CENPA: variants seen among roughly 807,000 people sequenced by gnomAD.
CENPA encodes the protein histone H3-like centromeric protein A.
CENPA carries 7 observed loss-of-function variants against 17.2 expected under a neutral mutation model. The ratio of observed to expected loss-of-function variants is 0.41; its 90% CI spans 0.23 to 0.76. The LOEUF (loss-of-function observed/expected upper bound fraction) is 0.76, where lower values mean the gene tolerates loss of function less well. Among genes scored for constraint, CENPA ranks in the 30% least tolerant of loss-of-function variants. The pLI, the probability that CENPA is intolerant of heterozygous loss-of-function variation, is 0.34. For missense variants in CENPA, 149 were observed against 193.1 expected (o/e 0.77, Z 1.35); for synonymous variants, 82 against 77.4 (o/e 1.06, Z -0.31).
Position 26,786,070 on chromosome 2 carries a change from C to T in CENPA, c.-127C>T, listed in dbSNP as rs942050594. The T allele has an allele frequency of 2.4e-6, 3 of 1,248,616 alleles. No homozygotes were observed. The highest frequency in any genetic ancestry group is 1.6e-5 in the African/African-American group (1 of 63,694). 77.3% of individuals were successfully genotyped at this position (1,248,616 alleles called of 1,614,324 possible). ...GCGAGCGGCGCGGACTTCTGCCAAG[C>T]ACCGGCTCATGTGAGGCTCGCGGCA... On this transcript the variant is annotated 5_prime_UTR_variant, in exon 1 of 5. Coordinates refer to ENST00000335756, the MANE Select transcript of CENPA (RefSeq NM_001809.4).
intron 1 of CENPA, among the ~76,000 whole-genome samples, chr2:26,787,308 T>C (rs58541083): frequency 0.04 from 6,062 of 152,206 alleles, 431 homozygotes; most frequent in African/African-American, 0.14. Context: ...CTCCGCCTCC[T>C]GGGTTCACGC....
rs552968726 is a variant in CENPA, at chr2:26,786,459, G to C, written c.100+163G>C. On this transcript the variant is annotated intron_variant, in intron 1 of 4. Transcript: ENST00000335756. ...ACGGGCGGTGCCAGCCCTGCGAGGG[G>C]CTGGAGCAGGCGGTTCCGAAAGCGG... 7.9e-5 allele frequency among the ~76,000 whole-genome samples: 12 copies of C among 152,376 alleles called. No individual in the cohort carries two copies. In the South Asian group the frequency reaches 2.5e-3, roughly 32 times the overall value.
chr2:26,792,986 G>A (rs907560528), intron 3 of CENPA, among the ~76,000 whole-genome samples, 153 bp downstream of exon 3: 4 of 152,184 alleles, frequency 2.6e-5, no homozygotes, highest in Non-Finnish European at 4.4e-5. Context: ...GCTGGATTCT[G>A]CGTGGTGATA....
At chr2:26,792,394 A>G (rs1664636419) in intron 2 of CENPA, 154 bp downstream of exon 2, 1 of 695,464 alleles carries the variant, frequency 1.4e-6, no homozygotes, top group East Asian at 2.7e-5. Flanking sequence ...TGAGCCCTCC[A>G]AGAGCACCTT....
At chr2:26,788,130 G>A (rs991897943) in intron 1 of CENPA, among the ~76,000 whole-genome samples, 3 of 152,094 alleles carry the variant, frequency 2.0e-5, no homozygotes, top group Non-Finnish European at 4.4e-5. Flanking sequence ...CTTCTTGGCA[G>A]TCCTACCACC....
intron 1 of CENPA, among the ~76,000 whole-genome samples, chr2:26,790,792 C>T (rs773479323): frequency 6.6e-6 from 1 of 152,118 alleles, no homozygotes; most frequent in Non-Finnish European, 1.5e-5. Context: ...TCTCTAGCCT[C>T]ACCCAGGGAT....
chr2:26,786,280 G>T lies in CENPA; in HGVS notation c.84G>T (p.Arg28=). The T allele has an allele frequency of 7.4e-7, 1 of 1,342,594 alleles. No homozygotes were observed. The highest frequency in any genetic ancestry group is 9.5e-7 in the Non-Finnish European group (1 of 1,052,248). The allele number at this position is 1,342,594 out of a possible 1,614,324, so 83.2% of individuals were successfully genotyped here. A position where few individuals can be genotyped will look rare whatever the true frequency, so the allele number is the denominator to read the frequency against. Residue 28 remains arginine (R), a synonymous_variant, in exon 1 of 5, where the codon CGG becomes CGT. Transcript: ENST00000335756. Reference sequence around the variant, plus strand: ...CGACCCCGACCCCCGGCCCCTCCCGGCGGGGCCCCTCCTTAGGTAACCGGC... The same window carrying T: ...CGACCCCGACCCCCGGCCCCTCCCGTCGGGGCCCCTCCTTAGGTAACCGGC... ...PSPTPTPGPS[R]RGPSLGASSH...
intron 2 of CENPA, 81 bp downstream of exon 2, chr2:26,792,321 C>A: frequency 9.3e-7 from 1 of 1,079,466 alleles, no homozygotes; most frequent in Non-Finnish European, 1.4e-6. Flanking sequence ...ACCCTACTGT[C>A]TCTTAACTAA....
At chr2:26,789,366 G>GT (rs1395647243) in intron 1 of CENPA, among the ~76,000 whole-genome samples, 1 of 151,896 alleles carries the variant, frequency 6.6e-6, no homozygotes, top group Non-Finnish European at 1.5e-5. Flanking sequence ...GTTCTGCTTG[G>GT]TGTTCTCTAC....
chr2:26,792,069 T>C, intron 1 of CENPA, 62 bp from the exon 2 acceptor site: 3 of 1,410,192 alleles, frequency 2.1e-6, no homozygotes, highest in Non-Finnish European at 3.0e-6. Context: ...ACAGCTTACC[T>C]GACTCAGCCA....
chr2:26,792,003 A>G (rs1478856301), intron 1 of CENPA, 128 bp from the exon 2 acceptor site: 1 of 796,202 alleles, frequency 1.3e-6, no homozygotes, highest in Non-Finnish European at 2.1e-6. Context: ...CTAATAAAAC[A>G]GACAAAAATC....
At chr2:26,789,294 G>A (rs1287665519) in intron 1 of CENPA, among the ~76,000 whole-genome samples, 1 of 152,012 alleles carries the variant, frequency 6.6e-6, no homozygotes, top group East Asian at 1.9e-4. Flanking sequence ...TTGACGCAGT[G>A]GGCCTCTTTC....
chr2:26,786,230 G>C lies in CENPA; in HGVS notation c.34G>C (p.Ala12Pro), dbSNP rs1477727985. ...GPRRRSRKPE[A>P]PRRRSPSPTP... ...GCGCCGCCGGAGCCGAAAGCCCGAG[G>C]CCCCGAGGAGGCGCAGCCCGAGCCC... Residue 12 changes from alanine (A) to proline (P), a missense_variant, in exon 1 of 5, where the codon GCC (alanine) becomes CCC (proline). Physicochemically the swap from Ala to Pro is conservative, Grantham distance 27. Coordinates refer to ENST00000335756, the MANE Select transcript of CENPA (RefSeq NM_001809.4). 22 of 1,431,156 alleles carry C rather than the reference G, an allele frequency of 1.5e-5. No homozygotes were observed. The highest frequency in any genetic ancestry group is 2.0e-5 in the Non-Finnish European group (22 of 1,099,212). The allele number at this position is 1,431,156 out of a possible 1,614,324, so 88.7% of individuals were successfully genotyped here. A position where few individuals can be genotyped will look rare whatever the true frequency, so the allele number is the denominator to read the frequency against.
chr2:26,792,094 A>G (rs761238808), intron 1 of CENPA, 37 bp from the exon 2 acceptor site: 13 of 1,579,892 alleles, frequency 8.2e-6, no homozygotes, highest in African/African-American at 8.1e-5. Flanking sequence ...GCGAGGCACC[A>G]CCTATTTTCC....
In CENPA at chr2:26,792,887, G is replaced by A. The variant is rs1466933986; in HGVS notation, c.288+54G>A. ...GAGGGCTGAGTGGGAGAAAGAGGCA[G>A]CCTAGAATTCTCCAGTGCTGACTGG... On this transcript the variant is annotated intron_variant, in intron 3 of 4. Coordinates refer to ENST00000335756, the MANE Select transcript of CENPA (RefSeq NM_001809.4). 4.6e-6 allele frequency: 7 copies of A among 1,528,212 alleles called. No homozygotes were observed. In the Admixed American group the frequency reaches 8.4e-5, roughly 18 times the overall value. The allele number at this position is 1,528,212 out of a possible 1,614,324, so 94.7% of individuals were successfully genotyped here.
intron 1 of CENPA, among the ~76,000 whole-genome samples, chr2:26,787,910 T>A (rs1664542305): frequency 6.6e-6 from 1 of 152,190 alleles, no homozygotes. Flanking sequence ...AACTTTTGAA[T>A]CTTCCGTTTT....
At chr2:26,792,365 G>T in intron 2 of CENPA, 125 bp downstream of exon 2, 1 of 734,236 alleles carries the variant, frequency 1.4e-6, no homozygotes. Context: ...ACCTGGTAGG[G>T]GATTCTTTTC....
At position 26,793,177 on chromosome 2, in the gene CENPA, G is replaced by A. The variant is rs201617693; in HGVS notation, c.321G>A (p.Glu107=). ...AAGCATTTCTAGTTCATCTCTTTGA[G>A]GACGCCTATCTCCTCACCTTACATG... The part of the protein sequence containing the change: ...AAEAFLVHLF[E]DAYLLTLHAG... The change falls in exon 4 of 5, where the codon GAG becomes GAA. Residue 107 remains glutamate, a synonymous_variant. Coordinates refer to ENST00000335756, the MANE Select transcript of CENPA (RefSeq NM_001809.4). 150 of 1,614,006 alleles carry A rather than the reference G, an allele frequency of 9.3e-5. No homozygotes were observed. Among genetic ancestry groups the A allele is most frequent in the Non-Finnish European group, 1.2e-4 (141 of 1,180,036 alleles).
chr2:26,786,235 G>A lies in CENPA; in HGVS notation c.39G>A (p.Pro13=). 1 of 1,428,364 alleles carries A rather than the reference G, an allele frequency of 7.0e-7. No homozygotes were observed. Among genetic ancestry groups the A allele is most frequent in the Non-Finnish European group, 9.1e-7 (1 of 1,097,836 alleles). 88.5% of individuals were successfully genotyped at this position (1,428,364 alleles called of 1,614,324 possible). ...GCCGGAGCCGAAAGCCCGAGGCCCC[G>A]AGGAGGCGCAGCCCGAGCCCGACCC... is the stretch of plus-strand genomic sequence containing the variant. ...PRRRSRKPEA[P]RRRSPSPTPT... is the part of the protein sequence containing the mutation. Residue 13 remains proline (P), a synonymous_variant, in exon 1 of 5, where the codon CCG becomes CCA. Coordinates refer to ENST00000335756, the MANE Select transcript of CENPA (RefSeq NM_001809.4).
Sources: allele counts gnomAD v4.1 joint callset (sites outside exome capture counted in the v4.1 genomes callset), GRCh38; gene constraint gnomAD v4.1.1; transcripts MANE v1.5; gene names NCBI Gene and HGNC (gene_info 2026-07-23, HGNC 2026-07-21).